The following GAPVD1 variants were observed in gnomAD, a reference collection of about 807,000 sequenced individuals.
GAPVD1 encodes GTPase activating protein and VPS9 domains 1, also known as GTPase-activating protein and VPS9 domain-containing protein 1.
GAPVD1 carries 35 observed loss-of-function variants against 155.5 expected under a neutral mutation model. The ratio of observed to expected loss-of-function variants is 0.23; its 90% confidence interval spans 0.17 to 0.30. GAPVD1 has a LOEUF of 0.30. Ranked by LOEUF, GAPVD1 falls within the 10% of genes least tolerant of loss-of-function variation. The probability of loss-of-function intolerance (pLI) is 1.00; values close to 1 mark genes in which losing one functional copy is unlikely to be tolerated. For missense variants in GAPVD1, 1,429 were observed against 1,775.7 expected (o/e 0.80, Z 3.51); for synonymous variants, 636 against 619.7 (o/e 1.03, Z -0.39).
In GAPVD1 at chr9:125,305,077, G is replaced by C. The variant is rs748474516; in HGVS notation, c.1044G>C (p.Leu348Phe). ...TTGGGTTGCAGGTAGGCCGCCTTTT[G>C]CAGCAGTTAGCAATGACTGGCTCTG... ...RFNLMQVGRL[L>F]QQLAMTGSEE... The change falls in exon 6 of 28, where the codon TTG (leucine) becomes TTC (phenylalanine). Residue 348 changes from leucine to phenylalanine, a missense_variant. Leu to Phe is a conservative substitution (Grantham distance 22). This residue lies in a region of GAPVD1 where 628 missense variants were observed against 733.4 expected (regional missense o/e 0.86). Transcript: ENST00000297933. 6.2e-7 allele frequency: 1 copy of C among 1,613,814 alleles called. No individual in the cohort carries two copies. The highest frequency in any genetic ancestry group is 1.1e-5 in the South Asian group (1 of 91,082).
chr9:125,306,904 C>T (rs777903506), intron 6 of GAPVD1, among the ~76,000 whole-genome samples: 14 of 152,190 alleles, frequency 9.2e-5, no homozygotes, highest in Middle Eastern at 3.4e-3. Flanking sequence ...CTGAGGTGGA[C>T]GGATCACTTG....
rs1473574725 is a variant in GAPVD1, at chr9:125,362,851, T to G, written c.*105T>G. On this transcript the variant is annotated 3_prime_UTR_variant, in exon 28 of 28. Transcript: ENST00000297933. ...GGCTGAAGATTGTTTTGTATGATAC[T>G]GCACAGCATCAGGCATTTTAAAGCA... 2 of 939,480 alleles carry G rather than the reference T, an allele frequency of 2.1e-6. No individual in the cohort carries two copies. The highest frequency in any genetic ancestry group is 3.2e-6 in the Non-Finnish European group (2 of 633,396). The allele number at this position is 939,480 out of a possible 1,614,324, so 58.2% of individuals were successfully genotyped here.
At chr9:125,285,072 T>C (rs765112339) in intron 2 of GAPVD1, among the ~76,000 whole-genome samples, 2 of 152,112 alleles carry the variant, frequency 1.3e-5, no homozygotes, top group Non-Finnish European at 2.9e-5. Flanking sequence ...TTGGCAGAGT[T>C]TTTCTGTGAA....
intron 1 of GAPVD1, among the ~76,000 whole-genome samples, chr9:125,267,520 C>T (rs1037256790): frequency 6.6e-6 from 1 of 152,138 alleles, no homozygotes; most frequent in African/African-American, 2.4e-5. Flanking sequence ...TCTGATTCTC[C>T]TGCCTCAGCC....
intron 2 of GAPVD1, among the ~76,000 whole-genome samples, chr9:125,273,666 C>T (rs149626952): frequency 3.9e-4 from 59 of 151,962 alleles, no homozygotes; most frequent in African/African-American, 1.0e-3. Context: ...CTCAGGTGAT[C>T]GGTGATCAGA....
chr9:125,324,053 C>T, intron 11 of GAPVD1, 130 bp downstream of exon 11: 1 of 711,966 alleles, frequency 1.4e-6, no homozygotes, highest in Non-Finnish European at 2.3e-6. Flanking sequence ...AACATTTATT[C>T]ATCATTCCTT....
At chr9:125,281,954 A>T (rs964167555) in intron 2 of GAPVD1, among the ~76,000 whole-genome samples, 3 of 151,918 alleles carry the variant, frequency 2.0e-5, no homozygotes, top group Admixed American at 2.0e-4. Context: ...AGTAGCTGGG[A>T]TTACAATAGG....
rs2132783047 is a variant in GAPVD1, at chr9:125,363,400, A to G, written c.*654A>G. The G allele has an allele frequency of 6.6e-6, 1 of 152,342 alleles. No homozygotes were observed. Among genetic ancestry groups the G allele is most frequent in the East Asian group, 1.9e-4 (1 of 5,194 alleles). 9.4% of individuals were successfully genotyped at this position (152,342 alleles called of 1,614,324 possible). ...TTTAAGCTGAGCTTAAAAGCAAAAA[A>G]CAAAAAGTACACAGAAATATTTATT... On this transcript the variant is annotated 3_prime_UTR_variant, in exon 28 of 28. Transcript: ENST00000297933.
chr9:125,293,842 A>AAATATATTTTATATATATATAT lies in GAPVD1; in HGVS notation c.-149-1614_-149-1613insTATATTTTATATATATATATAA, dbSNP rs1564310397. On this transcript the variant is annotated intron_variant, in intron 2 of 27. Transcript: ENST00000297933. ...TGAAATATAAAAAAATATATATATA[A>AAATATATTTTATATATATATAT]AAATATATTTTATATATATATATAT... Among the ~76,000 whole-genome samples the AAATATATTTTATATATATATAT allele has an allele frequency of 1.3e-4, 10 of 78,064 alleles. 1 individual carries two copies. Among genetic ancestry groups the AAATATATTTTATATATATATAT allele is most frequent in the African/African-American group, 5.3e-4 (9 of 16,834 alleles). 51.2% of individuals were successfully genotyped at this position (78,064 alleles called of 152,430 possible).
At chr9:125,266,163 G>A (rs1409101409) in intron 1 of GAPVD1, among the ~76,000 whole-genome samples, 1 of 144,252 alleles carries the variant, frequency 6.9e-6, no homozygotes, top group Admixed American at 7.0e-5. Flanking sequence ...TTTTGCTCTT[G>A]TTGCCCAGGC....
intron 2 of GAPVD1, among the ~76,000 whole-genome samples, chr9:125,291,981 C>A (rs1230800450): frequency 6.6e-6 from 1 of 152,120 alleles, no homozygotes; most frequent in Non-Finnish European, 1.5e-5. Context: ...GTGACTCACA[C>A]CTGTTATCCC....
At chr9:125,328,618 C>T (rs1204662223) in intron 12 of GAPVD1, among the ~76,000 whole-genome samples, 1 of 150,156 alleles carries the variant, frequency 6.7e-6, no homozygotes, top group Non-Finnish European at 1.5e-5. Flanking sequence ...ACAGACAGGG[C>T]AACCATCCGA....
chr9:125,263,531 T>G (rs1407283129), intron 1 of GAPVD1: 16 of 892,688 alleles, frequency 1.8e-5, no homozygotes, highest in Non-Finnish European at 2.5e-5. Context: ...AACTGTTGTT[T>G]TTTTTTTTTT....
intron 15 of GAPVD1, among the ~76,000 whole-genome samples, chr9:125,334,873 G>A (rs1275899332): frequency 2.0e-5 from 3 of 152,118 alleles, no homozygotes; most frequent in Admixed American, 6.6e-5. Context: ...TGCCAGTGAT[G>A]AAATTCAAAC....
At chr9:125,323,454 C>T (rs968674856) in intron 10 of GAPVD1, among the ~76,000 whole-genome samples, 5 of 152,024 alleles carry the variant, frequency 3.3e-5, no homozygotes, top group South Asian at 2.1e-4. Context: ...TACAGGTGCC[C>T]GCCACCACGC....
intron 2 of GAPVD1, among the ~76,000 whole-genome samples, chr9:125,286,296 T>G (rs1837685279): frequency 6.7e-6 from 1 of 149,122 alleles, no homozygotes; most frequent in African/African-American, 2.6e-5. Flanking sequence ...TTATTGTTGT[T>G]GTTTTCTTTG....
In GAPVD1 at chr9:125,267,166, G is replaced by T. The variant is rs1255716843; in HGVS notation, c.-198-1770G>T. On this transcript the variant is annotated intron_variant, in intron 1 of 27. Transcript: ENST00000297933. The stretch of plus-strand genomic sequence containing the variant: ...TAAACATTCATATACCCTTCACCTA[G>T]ATTTGCTGTTAACATTTTGCCATGT... Among the ~76,000 whole-genome samples the T allele has an allele frequency of 2.0e-5, 3 of 152,180 alleles. No homozygotes were observed. The East Asian group carries it at 5.8e-4, about 29-fold the overall frequency.
At chr9:125,298,314 G>C (rs1840200753) in intron 3 of GAPVD1, among the ~76,000 whole-genome samples, 1 of 152,118 alleles carries the variant, frequency 6.6e-6, no homozygotes, top group Non-Finnish European at 1.5e-5. Context: ...GATATACACA[G>C]GGTTTACAGC....
At chr9:125,334,812 T>G (rs1846641491) in intron 15 of GAPVD1, among the ~76,000 whole-genome samples, 1 of 151,830 alleles carries the variant, frequency 6.6e-6, no homozygotes, top group African/African-American at 2.4e-5. Context: ...AAAAAAAAAT[T>G]AACAAAATGA....
Sources: allele counts gnomAD v4.1 joint callset (sites outside exome capture counted in the v4.1 genomes callset), GRCh38; gene constraint gnomAD v4.1.1; regional missense constraint gnomAD v4.1.1; transcripts MANE v1.5; gene names NCBI Gene and HGNC (gene_info 2026-07-23, HGNC 2026-07-21).